ADAMTSL1: variants seen among roughly 807,000 people sequenced by gnomAD.
ADAMTSL1 encodes the protein ADAMTS-like protein 1.
A neutral mutation model predicts 201.8 loss-of-function variants in ADAMTSL1; 126 were observed. That is an observed-to-expected ratio of 0.62 (90% CI 0.54 to 0.72). ADAMTSL1 has a LOEUF of 0.72. Among genes scored for constraint, ADAMTSL1 ranks in the 30% least tolerant of loss-of-function variants. The pLI is 0.00. For missense variants in ADAMTSL1, 2,679 were observed against 2,277.8 expected, an observed-to-expected ratio of 1.18 and a Z score of -3.59; for synonymous variants, 1,121 against 903.4, an observed-to-expected ratio of 1.24 and a Z score of -4.32.
At chr9:18,734,260 G>A (rs73417115) in intron 15 of ADAMTSL1, among the ~76,000 whole-genome samples, 6,802 of 152,254 alleles carry the variant, frequency 0.045, 169 homozygotes, top group African/African-American at 0.058. Flanking sequence ...ACGTATCTTT[G>A]TAAGAAGCAG....
At chr9:18,727,740 T>C (rs987845389) in intron 15 of ADAMTSL1, among the ~76,000 whole-genome samples, 2 of 152,228 alleles carry the variant, frequency 1.3e-5, no homozygotes, top group Non-Finnish European at 2.9e-5. Flanking sequence ...TATCTTTACA[T>C]CACCTGTTAC....
chr9:18,387,592 G>A (rs749807828), intron 2 of ADAMTSL1, among the ~76,000 whole-genome samples: 1 of 151,728 alleles, frequency 6.6e-6, no homozygotes, highest in African/African-American at 2.4e-5. Flanking sequence ...TTAAAATCAT[G>A]TTTTTGAGAT....
chr9:18,683,017 T>C (rs1830600482), intron 12 of ADAMTSL1, among the ~76,000 whole-genome samples: 1 of 152,190 alleles, frequency 6.6e-6, no homozygotes, highest in Admixed American at 6.5e-5. Flanking sequence ...TATAGTAACT[T>C]CTACATACAG....
chr9:18,469,681 C>T (rs970368179), upstream of ADAMTSL1, among the ~76,000 whole-genome samples: 31 of 152,226 alleles, frequency 2.0e-4, no homozygotes, highest in African/African-American at 7.5e-4. Context: ...TGTCCCATGC[C>T]TGCCTCTTGA....
chr9:18,858,241 C>G (rs1826990450), intron 23 of ADAMTSL1, among the ~76,000 whole-genome samples: 1 of 152,172 alleles, frequency 6.6e-6, no homozygotes, highest in South Asian at 2.1e-4. Context: ...CATTAACACA[C>G]TTTCTTATGC....
chr9:18,357,487 A>G (rs1490790960), intron 2 of ADAMTSL1, among the ~76,000 whole-genome samples: 1 of 152,168 alleles, frequency 6.6e-6, no homozygotes, highest in Non-Finnish European at 1.5e-5. Flanking sequence ...TTTTAACCAG[A>G]GGAATACTTC....
intron 1 of ADAMTSL1, among the ~76,000 whole-genome samples, chr9:18,094,354 A>G (rs1824151637): frequency 6.6e-6 from 1 of 152,158 alleles, no homozygotes; most frequent in Non-Finnish European, 1.5e-5. Context: ...CTCACCATAT[A>G]TACTACCACT....
At chr9:18,059,501 T>C (rs1025404193) in intron 1 of ADAMTSL1, among the ~76,000 whole-genome samples, 1 of 152,196 alleles carries the variant, frequency 6.6e-6, no homozygotes, top group Non-Finnish European at 1.5e-5. Context: ...GTGTATATGA[T>C]CTATATTACA....
chr9:18,233,897 C>T (rs1177265469), intron 2 of ADAMTSL1, among the ~76,000 whole-genome samples: 4 of 152,172 alleles, frequency 2.6e-5, no homozygotes, highest in Non-Finnish European at 5.9e-5. Flanking sequence ...TTGACTTCAT[C>T]TCTCAAATTA....
chr9:18,179,864 T>A (rs538091334), intron 2 of ADAMTSL1, among the ~76,000 whole-genome samples: 105 of 149,958 alleles, frequency 7.0e-4, no homozygotes, highest in African/African-American at 2.5e-3. Flanking sequence ...CTAAAAGAGC[T>A]CCTGAAGGAA....
intron 1 of ADAMTSL1, among the ~76,000 whole-genome samples, chr9:17,979,412 C>T (rs1324802891): frequency 1.3e-5 from 2 of 151,910 alleles, no homozygotes; most frequent in African/African-American, 4.8e-5. Context: ...AATGTCCTGT[C>T]TTTCAGTTCA....
At chr9:18,063,152 A>C (rs1586968958) in intron 1 of ADAMTSL1, among the ~76,000 whole-genome samples, 2 of 152,134 alleles carry the variant, frequency 1.3e-5, no homozygotes, top group East Asian at 3.9e-4. Context: ...CCAGGAGTTC[A>C]AGACATAGTA....
chr9:18,308,858 C>T (rs1280289399), intron 2 of ADAMTSL1, among the ~76,000 whole-genome samples: 1 of 152,116 alleles, frequency 6.6e-6, no homozygotes, highest in Non-Finnish European at 1.5e-5. Flanking sequence ...CATCCTGAAA[C>T]CAAACCTGGC....
chr9:18,870,192 C>T (rs1827799693), intron 23 of ADAMTSL1, among the ~76,000 whole-genome samples: 1 of 152,192 alleles, frequency 6.6e-6, no homozygotes, highest in South Asian at 2.1e-4. Flanking sequence ...TGTCCACTCA[C>T]TGCAGCATTT....
chr9:18,335,995 C>T lies in ADAMTSL1; in HGVS notation c.208-168834C>T, dbSNP rs577322155. 2.0e-5 allele frequency among the ~76,000 whole-genome samples: 3 copies of T among 152,162 alleles called. No homozygotes were observed. The East Asian group carries it at 5.8e-4, about 29-fold the overall frequency. ...AATTAACCTAGCATTATGGGAGTGG[C>T]ATTGAATCAAGTCTCTTTAAGGCAC... On this transcript the variant is annotated intron_variant, in intron 2 of 29. Transcript: ENST00000680146.
chr9:18,504,971 C>T lies in ADAMTSL1; in HGVS notation c.191+15C>T, dbSNP rs373751923. 8.0e-4 allele frequency: 1,273 copies of T among 1,594,082 alleles called. 4 individuals are homozygous for T. Among genetic ancestry groups the T allele is most frequent in the Non-Finnish European group, 1.0e-3 (1,208 of 1,175,842 alleles). ...CTGAGCAGCAAGTAAGTCCTGCACCCGTTGGGGGTCTTTGTGAGAACCAGA... is the reference window on the plus strand; with the variant it reads ...CTGAGCAGCAAGTAAGTCCTGCACCTGTTGGGGGTCTTTGTGAGAACCAGA... On this transcript the variant is annotated intron_variant, in intron 2 of 28. Transcript: ENST00000380548.
chr9:18,299,236 C>A (rs1433473664), intron 2 of ADAMTSL1, among the ~76,000 whole-genome samples: 1 of 152,092 alleles, frequency 6.6e-6, no homozygotes, highest in Non-Finnish European at 1.5e-5. Flanking sequence ...TAGCACCTGG[C>A]TTCTGAGCCG....
chr9:18,012,632 C>A (rs1820098613), intron 1 of ADAMTSL1, among the ~76,000 whole-genome samples: 1 of 152,046 alleles, frequency 6.6e-6, no homozygotes, highest in Admixed American at 6.6e-5. Context: ...GGTGACAGAA[C>A]ACCTCACCCT....
intron 19 of ADAMTSL1, among the ~76,000 whole-genome samples, chr9:18,791,514 A>T (rs1315838671): frequency 6.6e-6 from 1 of 152,144 alleles, no homozygotes; most frequent in East Asian, 1.9e-4. Flanking sequence ...CAAAGGGATT[A>T]TAGGGTGGAA....
Sources: allele counts gnomAD v4.1 joint callset (sites outside exome capture counted in the v4.1 genomes callset), GRCh38; gene constraint gnomAD v4.1.1; transcripts MANE v1.5; gene names NCBI Gene and HGNC (gene_info 2026-07-23, HGNC 2026-07-21).